The following CPED1 variants were observed in gnomAD, a reference collection of about 807,000 sequenced individuals.
CPED1 encodes the protein cadherin-like and PC-esterase domain-containing protein 1.
Under a neutral mutation model 128.2 loss-of-function variants are expected in CPED1, and 114 were observed. That is an observed-to-expected ratio of 0.89 (90% CI 0.76 to 1.04). The LOEUF is 1.04. Ranked by LOEUF, CPED1 falls within the 50% of genes least tolerant of loss-of-function variation. The probability of loss-of-function intolerance (pLI) is 0.00; values close to 1 mark genes in which losing one functional copy is unlikely to be tolerated. For synonymous variants in CPED1, 462 were observed against 426.7 expected, an observed-to-expected ratio of 1.08 and a Z score of -1.02; for missense variants, 1,211 against 1,207.1, an observed-to-expected ratio of 1.00 and a Z score of -0.05.
At chr7:121,075,216 GC>G (rs1252281954) in intron 5 of CPED1, among the ~76,000 whole-genome samples, 29 of 152,052 alleles carry the variant, frequency 1.9e-4, no homozygotes, top group Admixed American at 6.6e-4. Context: ...AGTTTTTACT[GC>G]AATACACAGT....
chr7:121,061,253 A>G, intron 4 of CPED1: 20 of 864,950 alleles, frequency 2.3e-5, no homozygotes, highest in Non-Finnish European at 2.8e-5. Context: ...TTTTTCAAAA[A>G]TTGATCTCAT....
chr7:121,007,435 T>C (rs1193429739), intron 2 of CPED1, among the ~76,000 whole-genome samples: 1 of 152,132 alleles, frequency 6.6e-6, no homozygotes, highest in Non-Finnish European at 1.5e-5. Context: ...ATTATATGTT[T>C]ACTGTTTTAT....
intron 5 of CPED1, among the ~76,000 whole-genome samples, chr7:121,074,771 T>C (rs1794080493): frequency 6.6e-6 from 1 of 152,138 alleles, no homozygotes; most frequent in African/African-American, 2.4e-5. Flanking sequence ...ATATAATGAC[T>C]TTGCTTTCTC....
At position 121,189,123 on chromosome 7, in the gene CPED1, T is replaced by C. The variant is rs548278925; in HGVS notation, c.2055+46982T>C. On this transcript the variant is annotated intron_variant, in intron 16 of 22. Coordinates refer to ENST00000310396, the MANE Select transcript of CPED1 (RefSeq NM_024913.5). ...ATTATCACATAATGGTGTTCCATTC[T>C]ACCTTTACTTCCGACATTTTCCTTG... Among the ~76,000 whole-genome samples, 9 of 152,170 alleles carry C rather than the reference T, an allele frequency of 5.9e-5. No homozygotes were observed. In the South Asian group the frequency reaches 1.4e-3, roughly 24 times the overall value.
chr7:121,176,585 G>T (rs936822014), intron 16 of CPED1, among the ~76,000 whole-genome samples: 2 of 151,992 alleles, frequency 1.3e-5, no homozygotes, highest in African/African-American at 2.4e-5. Context: ...CATGATTAAA[G>T]GAGTCAAATA....
At chr7:121,294,096 G>C (rs528465599) in intron 22 of CPED1, among the ~76,000 whole-genome samples, 37 of 151,846 alleles carry the variant, frequency 2.4e-4, no homozygotes, top group South Asian at 1.7e-3. Context: ...TTGTTCTCTA[G>C]AGCTAACAAC....
At chr7:121,218,230 G>T (rs1258912763) in intron 16 of CPED1, among the ~76,000 whole-genome samples, 2 of 151,082 alleles carry the variant, frequency 1.3e-5, no homozygotes, top group Non-Finnish European at 2.9e-5. Context: ...CCTGACCTCA[G>T]GTGATTTGTC....
rs561366210 is a variant in CPED1, at chr7:121,093,587, A to T, written c.617-4112A>T. 1.8e-4 allele frequency among the ~76,000 whole-genome samples: 28 copies of T among 152,228 alleles called. No homozygotes were observed. The South Asian group carries it at 3.3e-3, about 18-fold the overall frequency. ...CAGGGAGCCGTCCTCCACAGACTGCATCCACAGGGCAACCTTGTCCCCTGG... is the reference window on the plus strand; with the variant it reads ...CAGGGAGCCGTCCTCCACAGACTGCTTCCACAGGGCAACCTTGTCCCCTGG... On this transcript the variant is annotated intron_variant, in intron 5 of 22. Coordinates refer to ENST00000310396, the MANE Select transcript of CPED1 (RefSeq NM_024913.5).
chr7:121,271,538 T>G, intron 22 of CPED1, 108 bp downstream of exon 22: 1 of 1,111,162 alleles, frequency 9.0e-7, no homozygotes, highest in Non-Finnish European at 1.3e-6. Context: ...AAAAACAATG[T>G]CAGGTGGAGA....
intron 16 of CPED1, among the ~76,000 whole-genome samples, chr7:121,149,047 C>G (rs1187580743): frequency 3.9e-5 from 6 of 152,042 alleles, no homozygotes; most frequent in Non-Finnish European, 7.4e-5. Flanking sequence ...CCTGGGCTGT[C>G]GGCGTTCTTT....
At chr7:121,128,313 G>A in intron 10 of CPED1, 69 bp from the exon 11 acceptor site, 1 of 787,254 alleles carries the variant, frequency 1.3e-6, no homozygotes. Flanking sequence ...GATGAAATGG[G>A]AGGTAATTGG....
intron 6 of CPED1, among the ~76,000 whole-genome samples, chr7:121,098,755 A>AATATATAT (rs1794761450): frequency 8.6e-5 from 9 of 104,906 alleles, no homozygotes; most frequent in Non-Finnish European, 1.6e-4. Context: ...AAAATATATA[A>AATATATAT]AAATATATAT....
At chr7:121,039,733 T>A (rs112126334) in intron 3 of CPED1, among the ~76,000 whole-genome samples, 1 of 152,104 alleles carries the variant, frequency 6.6e-6, no homozygotes, top group Admixed American at 6.6e-5. Flanking sequence ...TTTAAAAAAA[T>A]CATTTAAAAA....
intron 7 of CPED1, among the ~76,000 whole-genome samples, chr7:121,113,370 G>A (rs1187864638): frequency 6.6e-6 from 1 of 152,184 alleles, no homozygotes; most frequent in Admixed American, 6.5e-5. Flanking sequence ...TGCAAGGCAT[G>A]ACTCAGAGTT....
At chr7:121,295,140 AACACACACACACAC>A (rs35927183) in intron 22 of CPED1, among the ~76,000 whole-genome samples, 40 of 145,870 alleles carry the variant, frequency 2.7e-4, no homozygotes, top group African/African-American at 4.6e-4. Flanking sequence ...CTGGCCTGAA[AACACACACACACAC>A]ACACACACAC....
chr7:121,184,201 C>G lies in CPED1; in HGVS notation c.2055+42060C>G, dbSNP rs909742242. 4.3e-4 allele frequency among the ~76,000 whole-genome samples: 65 copies of G among 151,990 alleles called. 1 individual carries two copies. Among genetic ancestry groups the G allele is most frequent in the Middle Eastern group, 3.4e-3 (1 of 294 alleles). On this transcript the variant is annotated intron_variant, in intron 16 of 22. Transcript: ENST00000310396. ...TTTCAAAAGGAAGGAAGAAGAACCA[C>G]AGTTGTATTTTTTAAGTGGATGTGG...
chr7:121,278,949 T>TA (rs1249880774), intron 22 of CPED1, among the ~76,000 whole-genome samples: 1 of 152,164 alleles, frequency 6.6e-6, no homozygotes, highest in Non-Finnish European at 1.5e-5. Context: ...TGCTGACTCA[T>TA]AAACTCCTTC....
chr7:121,105,145 G>A (rs1172514507), intron 7 of CPED1, among the ~76,000 whole-genome samples: 3 of 152,048 alleles, frequency 2.0e-5, no homozygotes, highest in Admixed American at 2.0e-4. Context: ...AGAGGGCAGA[G>A]GAGAACTGTG....
intron 16 of CPED1, among the ~76,000 whole-genome samples, chr7:121,166,247 T>C (rs898574186): frequency 5.9e-5 from 9 of 152,202 alleles, no homozygotes; most frequent in Non-Finnish European, 1.3e-4. Flanking sequence ...TTATCGCTTA[T>C]TACCACAATG....
Sources: gnomAD v4.1 joint callset for allele counts (sites outside exome capture counted in the v4.1 genomes callset) on GRCh38, gnomAD v4.1.1 for gene constraint, MANE v1.5 for transcripts, NCBI Gene and HGNC (gene_info 2026-07-23, HGNC 2026-07-21) for gene names.